Variants in LPP observed in about 807,000 individuals in gnomAD.
LPP encodes lipoma-preferred partner.
LPP carries 38 observed loss-of-function variants against 60.4 expected under a neutral mutation model. That is an observed-to-expected ratio of 0.63 (90% CI 0.49 to 0.83). LPP has a LOEUF of 0.83. LPP is among the 40% of genes least tolerant of loss of function. The probability of loss-of-function intolerance (pLI) is 0.00; values close to 1 mark genes in which losing one functional copy is unlikely to be tolerated. For missense variants in LPP, 902 were observed against 783.6 expected (o/e 1.15, Z -1.80); for synonymous variants, 328 against 290.8 (o/e 1.13, Z -1.30).
chr3:188,230,640 G>A (rs981403131), intron 2 of LPP, among the ~76,000 whole-genome samples: 7 of 151,836 alleles, frequency 4.6e-5, no homozygotes, highest in South Asian at 2.1e-4. Flanking sequence ...AAAATTAGCC[G>A]GGCATGCCTC....
At chr3:188,298,154 A>G (rs189713157) in intron 2 of LPP, among the ~76,000 whole-genome samples, 2 of 152,260 alleles carry the variant, frequency 1.3e-5, no homozygotes, top group East Asian at 1.9e-4. Flanking sequence ...ATCCTGCCCA[A>G]ATTTCCCAAT....
At chr3:188,240,874 G>A (rs564987162) in intron 2 of LPP, among the ~76,000 whole-genome samples, 1 of 152,294 alleles carries the variant, frequency 6.6e-6, no homozygotes, top group Non-Finnish European at 1.5e-5. Context: ...CTATATTAAA[G>A]TAATGCTCTG....
Position 188,755,683 on chromosome 3 carries a change from A to G in LPP, c.1241-4430A>G, listed in dbSNP as rs138539659. 7.0e-4 allele frequency among the ~76,000 whole-genome samples: 106 copies of G among 151,636 alleles called. No individual in the cohort carries two copies. In the East Asian group the frequency reaches 0.018, roughly 26 times the overall value. ...TAGCTGGGCTTGGTGGCGTGTGCCT[A>G]TAGTCCCAGCTACTGGTGGCAAGGG... On this transcript the variant is annotated intron_variant, in intron 8 of 11. Coordinates refer to ENST00000617246, the MANE Select transcript of LPP (RefSeq NM_001375462.1).
At chr3:188,708,027 A>G (rs926268646) in intron 7 of LPP, among the ~76,000 whole-genome samples, 6 of 152,230 alleles carry the variant, frequency 3.9e-5, no homozygotes, top group African/African-American at 1.4e-4. Flanking sequence ...GATTCTTCCT[A>G]TTGTAAACAT....
At chr3:188,756,854 A>G (rs932078511) in intron 8 of LPP, among the ~76,000 whole-genome samples, 5 of 152,204 alleles carry the variant, frequency 3.3e-5, no homozygotes, top group African/African-American at 1.2e-4. Context: ...ACTCTAGAGG[A>G]ATATTCTCCA....
intron 3 of LPP, among the ~76,000 whole-genome samples, chr3:188,378,301 A>C: frequency 6.6e-6 from 1 of 152,204 alleles, no homozygotes; most frequent in South Asian, 2.1e-4. Context: ...CCCTGCCCCC[A>C]GAGGTGGAGC....
chr3:188,225,904 C>G (rs1285210254), intron 2 of LPP, among the ~76,000 whole-genome samples: 1 of 152,188 alleles, frequency 6.6e-6, no homozygotes, highest in East Asian at 1.9e-4. Context: ...ATGAAAATGT[C>G]ACTGAACAGT....
chr3:188,592,561 T>TTTTTTTTTTTTTTTTTTTTTTG (rs1553936353), intron 6 of LPP, among the ~76,000 whole-genome samples: 1 of 136,892 alleles, frequency 7.3e-6, no homozygotes, highest in Admixed American at 7.4e-5. Context: ...GTTTTTGTTT[T>TTTTTTTTTTTTTTTTTTTTTTG]TTAAATGGAG....
chr3:188,802,216 A>G (rs1447138750), intron 9 of LPP, among the ~76,000 whole-genome samples: 2 of 152,220 alleles, frequency 1.3e-5, no homozygotes, highest in Non-Finnish European at 2.9e-5. Context: ...GGATCCATTC[A>G]TAGAGCATAT....
intron 6 of LPP, among the ~76,000 whole-genome samples, chr3:188,596,966 C>A (rs1160376143): frequency 6.6e-6 from 1 of 152,138 alleles, no homozygotes; most frequent in African/African-American, 2.4e-5. Flanking sequence ...TTGTGATTTC[C>A]ATGCCCTGCT....
At chr3:188,736,133 A>G (rs1030584572) in intron 8 of LPP, among the ~76,000 whole-genome samples, 1 of 152,226 alleles carries the variant, frequency 6.6e-6, no homozygotes, top group African/African-American at 2.4e-5. Context: ...ACAACTTTTT[A>G]AAAACTTTAT....
At chr3:188,494,556 C>T (rs1809381099) in intron 5 of LPP, among the ~76,000 whole-genome samples, 1 of 152,134 alleles carries the variant, frequency 6.6e-6, no homozygotes, top group Admixed American at 6.5e-5. Flanking sequence ...ACCCCTCACC[C>T]TTTTTGTTAT....
intron 7 of LPP, among the ~76,000 whole-genome samples, chr3:188,658,631 T>C (rs1214008246): frequency 2.0e-5 from 3 of 152,212 alleles, no homozygotes; most frequent in African/African-American, 7.2e-5. Flanking sequence ...ATCTTAGACA[T>C]TATCTGTGGA....
intron 9 of LPP, among the ~76,000 whole-genome samples, chr3:188,854,437 G>A (rs1356559614): frequency 6.6e-6 from 1 of 151,528 alleles, no homozygotes; most frequent in East Asian, 1.9e-4. Flanking sequence ...CATCAGCAGT[G>A]CCCTCTTCGG....
rs115362455 is a variant in LPP, at chr3:188,819,543, A to G, written c.1411-46657A>G. On this transcript the variant is annotated intron_variant, in intron 9 of 11. Transcript: ENST00000617246. ...CTTTGTTGAAGGGTATTGTAATAGA[A>G]TCATAAAACTGAGTGAGGAAGGAAT... is the stretch of plus-strand genomic sequence containing the variant. Among the ~76,000 whole-genome samples the G allele has an allele frequency of 4.4e-3, 672 of 152,290 alleles. 10 individuals carry two copies. The highest frequency in any genetic ancestry group is 0.015 in the African/African-American group (605 of 41,552).
intron 5 of LPP, among the ~76,000 whole-genome samples, chr3:188,520,498 C>T (rs13095341): frequency 0.015 from 2,351 of 152,326 alleles, 27 homozygotes; most frequent in Non-Finnish European, 0.024. Flanking sequence ...TCAATTATCT[C>T]CCACACGGTC....
chr3:188,439,926 A>G (rs1793364735), intron 4 of LPP, among the ~76,000 whole-genome samples: 1 of 152,202 alleles, frequency 6.6e-6, no homozygotes, highest in Non-Finnish European at 1.5e-5. Flanking sequence ...ATTCCACTTA[A>G]TTCTGTAATT....
chr3:188,624,679 C>T (rs1018338886), intron 7 of LPP, among the ~76,000 whole-genome samples: 2 of 151,364 alleles, frequency 1.3e-5, no homozygotes, highest in African/African-American at 2.4e-5. Flanking sequence ...CTTCCCCTCC[C>T]TCCCTCCTTC....
chr3:188,821,434 T>C (rs1753929518), intron 9 of LPP, among the ~76,000 whole-genome samples: 1 of 151,350 alleles, frequency 6.6e-6, no homozygotes, highest in Admixed American at 6.6e-5. Context: ...ATATTCTTTA[T>C]TATGATGTTC....
Sources: allele counts gnomAD v4.1 joint callset (sites outside exome capture counted in the v4.1 genomes callset), GRCh38; gene constraint gnomAD v4.1.1; transcripts MANE v1.5; gene names NCBI Gene and HGNC (gene_info 2026-07-23, HGNC 2026-07-21).